LCMT1: variants seen among roughly 807,000 people sequenced by gnomAD.
The protein encoded by LCMT1 is [Phosphatase 2A protein]-leucine-carboxy methyltransferase 1.
A neutral mutation model predicts 47.7 loss-of-function variants in LCMT1; 32 were observed. The ratio of observed to expected loss-of-function variants is 0.67; its 90% CI spans 0.51 to 0.90. The LOEUF (loss-of-function observed/expected upper bound fraction) is 0.90, where lower values mean the gene tolerates loss of function less well. Ranked by LOEUF, LCMT1 falls within the 40% of genes least tolerant of loss-of-function variation. The probability of loss-of-function intolerance (pLI) is 0.00; values close to 1 mark genes in which losing one functional copy is unlikely to be tolerated. For synonymous variants in LCMT1, 152 were observed against 149.7 expected, an observed-to-expected ratio of 1.02 and a Z score of -0.11; for missense variants, 375 against 415.2, an observed-to-expected ratio of 0.90 and a Z score of 0.84.
intron 5 of LCMT1, among the ~76,000 whole-genome samples, chr16:25,155,964 G>GC (rs1490377951): frequency 6.6e-6 from 1 of 152,150 alleles, no homozygotes; most frequent in Non-Finnish European, 1.5e-5. Context: ...AAGGGCGTGA[G>GC]CCCCCGCACC....
At chr16:25,114,410 G>A (rs1959723664) in intron 1 of LCMT1, among the ~76,000 whole-genome samples, 1 of 152,106 alleles carries the variant, frequency 6.6e-6, no homozygotes, top group South Asian at 2.1e-4. Context: ...TTGTGATCCT[G>A]GACTTGTGGT....
intron 10 of LCMT1, among the ~76,000 whole-genome samples, chr16:25,177,319 A>C (rs1961978960): frequency 6.6e-6 from 1 of 152,196 alleles, no homozygotes. Context: ...CCTGTCAGTC[A>C]GAGATGACCT....
chr16:25,130,847 A>G (rs575499561), intron 2 of LCMT1, among the ~76,000 whole-genome samples: 1 of 152,228 alleles, frequency 6.6e-6, no homozygotes, highest in Non-Finnish European at 1.5e-5. Context: ...TGCATGTGCC[A>G]TGTGCAACAT....
At chr16:25,136,182 C>G (rs1960499188) in intron 3 of LCMT1, among the ~76,000 whole-genome samples, 1 of 151,638 alleles carries the variant, frequency 6.6e-6, no homozygotes, top group Non-Finnish European at 1.5e-5. Context: ...AATTCTGTTT[C>G]CATGGAACCA....
chr16:25,119,093 G>T (rs1597557168), intron 1 of LCMT1, among the ~76,000 whole-genome samples: 1 of 152,200 alleles, frequency 6.6e-6, no homozygotes. Context: ...CTTGGATCAG[G>T]ATAGTGGTGA....
intron 10 of LCMT1, among the ~76,000 whole-genome samples, chr16:25,177,318 CAG>C (rs1368048195): frequency 6.6e-6 from 1 of 152,182 alleles, no homozygotes; most frequent in Non-Finnish European, 1.5e-5. Context: ...GCCTGTCAGT[CAG>C]AGATGACCTC....
At chr16:25,128,251 GC>G (rs1418766607) in intron 1 of LCMT1, among the ~76,000 whole-genome samples, 1 of 152,204 alleles carries the variant, frequency 6.6e-6, no homozygotes, top group East Asian at 1.9e-4. Context: ...GAGTGAGAAG[GC>G]CCACTGTGGA....
chr16:25,150,497 AC>A (rs1243469312), intron 4 of LCMT1, among the ~76,000 whole-genome samples: 1 of 151,722 alleles, frequency 6.6e-6, no homozygotes, highest in Non-Finnish European at 1.5e-5. Flanking sequence ...GACATGTGCC[AC>A]CATGCCTGGC....
chr16:25,167,224 C>T (rs1961614823), intron 7 of LCMT1, among the ~76,000 whole-genome samples: 2 of 152,140 alleles, frequency 1.3e-5, no homozygotes, highest in Admixed American at 1.3e-4. Context: ...TAAGTTAATT[C>T]AGTGGTTTCC....
At chr16:25,176,984 A>T (rs1305392145) in intron 10 of LCMT1, among the ~76,000 whole-genome samples, 5 of 150,132 alleles carry the variant, frequency 3.3e-5, no homozygotes, top group Non-Finnish European at 7.4e-5. Context: ...GTTCGAAACC[A>T]GCCTGGCCAA....
chr16:25,122,684 C>A (rs927815972), intron 1 of LCMT1, among the ~76,000 whole-genome samples: 1 of 152,050 alleles, frequency 6.6e-6, no homozygotes, highest in African/African-American at 2.4e-5. Context: ...GTTTTTCTTG[C>A]TGATTTGTAA....
At chr16:25,134,913 T>C (rs955286558) in intron 3 of LCMT1, among the ~76,000 whole-genome samples, 1 of 152,174 alleles carries the variant, frequency 6.6e-6, no homozygotes, top group Non-Finnish European at 1.5e-5. Flanking sequence ...CCTGTTGTGT[T>C]TTTGTAATGA....
intron 1 of LCMT1, among the ~76,000 whole-genome samples, chr16:25,119,347 TTAGAAAGTGCC>T (rs1317805933): frequency 1.3e-5 from 2 of 151,930 alleles, no homozygotes; most frequent in Non-Finnish European, 2.9e-5. Context: ...CAGTTGTAAT[TTAGAAAGTGCC>T]TAGTGTTCAT....
chr16:25,132,774 C>T (rs1960390797), intron 3 of LCMT1, among the ~76,000 whole-genome samples: 1 of 151,756 alleles, frequency 6.6e-6, no homozygotes, highest in South Asian at 2.1e-4. Context: ...CTTATATTTC[C>T]CTCAGTATGA....
intron 1 of LCMT1, among the ~76,000 whole-genome samples, chr16:25,118,807 G>A (rs1337153910): frequency 1.3e-5 from 2 of 152,142 alleles, no homozygotes; most frequent in Non-Finnish European, 2.9e-5. Context: ...ACTAGGGTGA[G>A]GGATGGGGAT....
intron 1 of LCMT1, among the ~76,000 whole-genome samples, chr16:25,123,856 G>A (rs961993020): frequency 6.6e-6 from 1 of 151,958 alleles, no homozygotes; most frequent in Non-Finnish European, 1.5e-5. Context: ...TGATCCGCCC[G>A]CCTCGGCCTC....
chr16:25,135,584 AAGTGT>A (rs1432186713), intron 3 of LCMT1, among the ~76,000 whole-genome samples: 1 of 152,180 alleles, frequency 6.6e-6, no homozygotes, highest in East Asian at 1.9e-4. Context: ...GTGTCTCTAA[AAGTGT>A]AGCGAAAACA....
intron 4 of LCMT1, among the ~76,000 whole-genome samples, chr16:25,149,444 G>A (rs986246044): frequency 6.6e-6 from 1 of 152,158 alleles, no homozygotes; most frequent in African/African-American, 2.4e-5. Flanking sequence ...GATTCTTTAA[G>A]TAGAAGGTCT....
intron 3 of LCMT1, among the ~76,000 whole-genome samples, chr16:25,139,651 C>G (rs1888968604): frequency 6.6e-6 from 1 of 152,178 alleles, no homozygotes; most frequent in African/African-American, 2.4e-5. Context: ...CCTGACCCTC[C>G]TAATGGAGCT....
Sources: allele counts gnomAD v4.1 joint callset (sites outside exome capture counted in the v4.1 genomes callset), GRCh38; gene constraint gnomAD v4.1.1; transcripts MANE v1.5; gene names NCBI Gene and HGNC (gene_info 2026-07-23, HGNC 2026-07-21).